Variants in CCDC194 observed in about 807,000 individuals in gnomAD.
CCDC194 encodes coiled-coil domain-containing protein 194.
Under a neutral mutation model 4.9 loss-of-function variants are expected in CCDC194, and 8 were observed. The ratio of observed to expected loss-of-function variants is 1.65; its 90% CI spans 0.97 to 2.97. The LOEUF (loss-of-function observed/expected upper bound fraction) is 2.97, where lower values mean the gene tolerates loss of function less well. CCDC194 is among the 30% of genes most tolerant of loss of function. CCDC194 has a pLI of 0.00. For missense variants in CCDC194, 52 were observed against 43.1 expected (o/e 1.21, Z -0.58); for synonymous variants, 13 against 17.0 (o/e 0.76, Z 0.58).
At chr19:17,392,086 C>T (rs3815904) in intron 1 of CCDC194, 294,517 of 420,860 alleles carry the variant, frequency 0.7, 110,278 homozygotes, top group Non-Finnish European at 0.82. Context: ...CGCCACCAAC[C>T]CTAAGCCACC....
chr19:17,390,405 C>T (rs1466289985), downstream of CCDC194: 4 of 383,368 alleles, frequency 1.0e-5, no homozygotes, highest in Non-Finnish European at 1.8e-5. The surrounding 1 kb of genome is among the most constrained non-coding windows in gnomAD (Gnocchi z 5.5). Context: ...GGGTCTAAAG[C>T]TGAGTGTCGC....
intron 1 of CCDC194, among the ~76,000 whole-genome samples, chr19:17,393,303 T>C (rs1009675622): frequency 8.6e-5 from 13 of 150,734 alleles, no homozygotes; most frequent in Admixed American, 2.0e-4. Context: ...AGTTGGCACA[T>C]GGAGGAGGGC....
chr19:17,390,458 C>T (rs1213085843), downstream of CCDC194: 2 of 391,316 alleles, frequency 5.1e-6, no homozygotes, highest in East Asian at 7.3e-5. This position sits in a 1 kb window ranked among gnomAD's most constrained non-coding sequence, Gnocchi z 5.5. Flanking sequence ...CGCAGACCCC[C>T]CCCCCATATG....
intron 2 of CCDC194, 125 bp from the exon 3 acceptor site, chr19:17,391,468 G>T: frequency 1.6e-6 from 1 of 628,686 alleles, no homozygotes; most frequent in Non-Finnish European, 2.7e-6. Flanking sequence ...TTAAATTAGT[G>T]TGTACCATTG....
At chr19:17,391,933 C>A (rs1187311502) in intron 1 of CCDC194, 87 bp from the exon 2 acceptor site, 1 of 1,202,462 alleles carries the variant, frequency 8.3e-7, no homozygotes, top group Non-Finnish European at 1.1e-6. Flanking sequence ...CAGTGAGAAG[C>A]CACCTGCGAC....
chr19:17,391,773 C>T, exon 2 of CCDC194: 4 of 1,535,730 alleles, frequency 2.6e-6, no homozygotes, highest in Non-Finnish European at 3.5e-6. Context: ...GTTCTCGGCC[C>T]CCATCTGGGT....
Position 17,391,204 on chromosome 19 carries a change from C to T in CCDC194, c.554+7G>A. The T allele has an allele frequency of 2.5e-6, 1 of 399,042 alleles. No individual in the cohort carries two copies. The highest frequency in any genetic ancestry group is 4.4e-6 in the Non-Finnish European group (1 of 226,496). 24.7% of individuals were successfully genotyped at this position (399,042 alleles called of 1,614,324 possible). A position where few individuals can be genotyped will look rare whatever the true frequency, so the allele number is the denominator to read the frequency against. On this transcript the variant is annotated splice_region_variant and intron_variant, in intron 3 of 3. Coordinates refer to ENST00000636079, the Ensembl canonical transcript of CCDC194. ...CGACCCCGCCCTCGGGCCAGCCCCT[C>T]ACTCACAGGCGTTCGCGCAGCGCCG... is the stretch of plus-strand genomic sequence containing the variant.
chr19:17,391,713 C>T, intron 2 of CCDC194, 37 bp downstream of exon 2: 2 of 1,535,754 alleles, frequency 1.3e-6, no homozygotes, highest in South Asian at 2.4e-5. Flanking sequence ...GCTCCTCCCA[C>T]TTCTATCCCT....
At chr19:17,391,530 C>T (rs932978856) in intron 2 of CCDC194, 187 bp from the exon 3 acceptor site, 1 of 1,104,960 alleles carries the variant, frequency 9.1e-7, no homozygotes, top group Non-Finnish European at 1.3e-6. Flanking sequence ...GCATTGCTTT[C>T]GTGAGTCGTT....
downstream of CCDC194, among the ~76,000 whole-genome samples, chr19:17,387,632 C>T (rs938647138): frequency 2.0e-5 from 3 of 151,946 alleles, no homozygotes; most frequent in Non-Finnish European, 4.4e-5. Flanking sequence ...GCAAGAGAAT[C>T]GTTTGAACCC....
At chr19:17,388,563 C>G (rs1486890224), downstream of CCDC194, among the ~76,000 whole-genome samples, 1 of 151,954 alleles carries the variant, frequency 6.6e-6, no homozygotes, top group African/African-American at 2.4e-5. Flanking sequence ...CCATGCCCAG[C>G]TAATATTTTG....
In CCDC194 at chr19:17,390,763, A is replaced by G. The variant is rs2074651181; in HGVS notation, c.555-104T>C. The G allele has an allele frequency of 7.6e-6, 3 of 392,638 alleles. 1 individual carries two copies. The highest frequency in any genetic ancestry group is 6.2e-5 in the African/African-American group (3 of 48,384). The allele number at this position is 392,638 out of a possible 1,614,324, so 24.3% of individuals were successfully genotyped here. On this transcript the variant is annotated intron_variant, in intron 3 of 3. Coordinates refer to ENST00000636079, the Ensembl canonical transcript of CCDC194. This position sits in a 1 kb window ranked among gnomAD's most constrained non-coding sequence, Gnocchi z 5.5. ...TCCCTTTGCTGGGAACTCCATCCCCAGAGATCCCCATCTCCCAGGGTTTCC... is the reference window on the plus strand; with the variant it reads ...TCCCTTTGCTGGGAACTCCATCCCCGGAGATCCCCATCTCCCAGGGTTTCC...
At chr19:17,391,364 G>A in intron 2 of CCDC194, 21 bp from the exon 3 acceptor site, 1 of 466,424 alleles carries the variant, frequency 2.1e-6, no homozygotes, top group South Asian at 4.0e-5. Context: ...AGGGAGCCGG[G>A]TCAGGCTGGA....
chr19:17,388,509 C>T (rs902305525), downstream of CCDC194, among the ~76,000 whole-genome samples: 1 of 152,016 alleles, frequency 6.6e-6, no homozygotes, highest in African/African-American at 2.4e-5. Flanking sequence ...AAGTGATCCT[C>T]CCACCTCAGT....
At chr19:17,393,244 T>C (rs2074661384) in intron 1 of CCDC194, among the ~76,000 whole-genome samples, 1 of 152,170 alleles carries the variant, frequency 6.6e-6, no homozygotes, top group African/African-American at 2.4e-5. Flanking sequence ...GTGACATGTA[T>C]GTCCCTCTCT....
exon 1 of CCDC194, chr19:17,393,913 G>A (rs868113997): frequency 7.5e-6 from 3 of 397,372 alleles, no homozygotes; most frequent in African/African-American, 4.1e-5. Context: ...GCCTGGCTAG[G>A]GCCTCCTCCC....
downstream of CCDC194, among the ~76,000 whole-genome samples, chr19:17,387,849 T>G (rs980368438): frequency 1.3e-5 from 2 of 152,198 alleles, no homozygotes; most frequent in Non-Finnish European, 2.9e-5. Flanking sequence ...CCACTGTGGA[T>G]GGACAGACAC....
downstream of CCDC194, among the ~76,000 whole-genome samples, chr19:17,388,454 C>G (rs1194163722): frequency 6.6e-6 from 1 of 151,796 alleles, no homozygotes; most frequent in East Asian, 1.9e-4. Context: ...GCTCCAGTCA[C>G]CCTAGCACGA....
chr19:17,393,700 A>G (rs1473078183), intron 1 of CCDC194, 135 bp downstream of exon 1: 2 of 389,366 alleles, frequency 5.1e-6, no homozygotes, highest in Admixed American at 4.5e-5. Flanking sequence ...TTAGGGCGCT[A>G]TTCTCAATAC....
Sources: gnomAD v4.1 joint callset for allele counts (sites outside exome capture counted in the v4.1 genomes callset) on GRCh38, gnomAD v4.1.1 for gene constraint, Gnocchi (gnomAD v3.1) non-coding constraint, MANE v1.5 for transcripts, NCBI Gene and HGNC (gene_info 2026-07-23, HGNC 2026-07-21) for gene names.